Variants in SLC25A21 observed in about 807,000 individuals in gnomAD.
The protein encoded by SLC25A21 is solute carrier family 25 member 21, also known as mitochondrial 2-oxodicarboxylate carrier.
A neutral mutation model predicts 43.8 loss-of-function variants in SLC25A21; 47 were observed. The ratio of observed to expected loss-of-function variants is 1.07; its 90% confidence interval spans 0.85 to 1.37. The LOEUF (loss-of-function observed/expected upper bound fraction) is 1.37, where lower values mean the gene tolerates loss of function less well. Among genes scored for constraint, SLC25A21 ranks in the 40% most tolerant of loss-of-function variants. The pLI is 0.00. For missense variants in SLC25A21, 352 were observed against 350.2 expected (o/e 1.00, Z -0.04); for synonymous variants, 131 against 121.3 (o/e 1.08, Z -0.52).
At chr14:36,887,838 T>C (rs981189193) in intron 1 of SLC25A21, among the ~76,000 whole-genome samples, 2 of 152,166 alleles carry the variant, frequency 1.3e-5, no homozygotes, top group African/African-American at 4.8e-5. Context: ...TTCTATGGAA[T>C]TAGTTTTCCT....
rs780814503 is a variant in SLC25A21, at chr14:36,711,498, G to C, written c.439-16C>G. ...TGGATGGTTGCTGCAGAAGAGAGAAGCAAGGCCAGAATGATCATCTTTGGG... is the reference window on the plus strand; with the variant it reads ...TGGATGGTTGCTGCAGAAGAGAGAACCAAGGCCAGAATGATCATCTTTGGG... On this transcript the variant is annotated splice_polypyrimidine_tract_variant and intron_variant, in intron 6 of 9. Coordinates refer to ENST00000331299, the MANE Select transcript of SLC25A21 (RefSeq NM_030631.4). 5 of 1,611,488 alleles carry C rather than the reference G, an allele frequency of 3.1e-6. No individual in the cohort carries two copies. In the South Asian group the frequency reaches 5.5e-5, roughly 18 times the overall value.
intron 3 of SLC25A21, among the ~76,000 whole-genome samples, chr14:36,800,010 G>A (rs1005708489): frequency 1.3e-5 from 2 of 152,022 alleles, no homozygotes; most frequent in Admixed American, 6.6e-5. Flanking sequence ...ACTTTTAATG[G>A]CAAAAACTGC....
intron 1 of SLC25A21, among the ~76,000 whole-genome samples, chr14:36,942,572 A>G (rs1485919652): frequency 6.6e-6 from 1 of 152,230 alleles, no homozygotes; most frequent in Non-Finnish European, 1.5e-5. Context: ...ACCAAATGTT[A>G]TGATTTTAAT....
At chr14:37,051,404 T>A (rs1961703394) in intron 1 of SLC25A21, among the ~76,000 whole-genome samples, 2 of 152,308 alleles carry the variant, frequency 1.3e-5, no homozygotes, top group Non-Finnish European at 1.5e-5. Context: ...AGAACTCATT[T>A]CACAGCTACA....
At position 36,903,345 on chromosome 14, in the gene SLC25A21, T is replaced by C. The variant is rs573030723; in HGVS notation, c.71-28341A>G. ...GATGTGTTTTGTTCAGTTCACATAG[T>C]GTTCTTTTAAAAATAAATTGCTTTG... On this transcript the variant is annotated intron_variant, in intron 1 of 9. Transcript: ENST00000331299. Among the ~76,000 whole-genome samples the C allele has an allele frequency of 5.6e-4, 85 of 152,140 alleles. 2 individuals are homozygous for C. The highest frequency in any genetic ancestry group is 8.3e-4 in the South Asian group (4 of 4,820).
intron 1 of SLC25A21, among the ~76,000 whole-genome samples, chr14:37,040,248 A>G (rs10047958): frequency 0.22 from 483 of 2,180 alleles, 131 homozygotes; most frequent in African/African-American, 0.51. Flanking sequence ...GGAAGGGAGG[A>G]AGGGAGGGAG....
At chr14:37,051,928 G>C (rs1317088372) in intron 1 of SLC25A21, among the ~76,000 whole-genome samples, 1 of 152,212 alleles carries the variant, frequency 6.6e-6, no homozygotes, top group Non-Finnish European at 1.5e-5. Flanking sequence ...CCAGACGGCA[G>C]CCGGCGGGCA....
At chr14:36,702,697 G>A (rs928318093) in intron 7 of SLC25A21, among the ~76,000 whole-genome samples, 8 of 152,024 alleles carry the variant, frequency 5.3e-5, no homozygotes, top group Non-Finnish European at 1.2e-4. Flanking sequence ...GACTGTAAAC[G>A]TCATTAAGAG....
At chr14:37,154,954 G>A (rs909226983) in intron 1 of SLC25A21, among the ~76,000 whole-genome samples, 6 of 151,924 alleles carry the variant, frequency 3.9e-5, no homozygotes, top group Non-Finnish European at 7.4e-5. Flanking sequence ...TATCTTTTTC[G>A]AAAACCAAAT....
chr14:36,993,817 C>T (rs1960314964), intron 1 of SLC25A21, among the ~76,000 whole-genome samples: 2 of 152,094 alleles, frequency 1.3e-5, no homozygotes, highest in Admixed American at 6.6e-5. Flanking sequence ...TCATCAATCC[C>T]TTAAATGTGG....
intron 1 of SLC25A21, among the ~76,000 whole-genome samples, chr14:36,976,873 T>C (rs1594731721): frequency 6.6e-6 from 1 of 152,244 alleles, no homozygotes; most frequent in Non-Finnish European, 1.5e-5. Context: ...AGTCATCTTG[T>C]CCTGCCACTT....
At chr14:36,716,753 A>T (rs1884155137) in intron 6 of SLC25A21, among the ~76,000 whole-genome samples, 2 of 152,126 alleles carry the variant, frequency 1.3e-5, no homozygotes, top group South Asian at 4.1e-4. Flanking sequence ...AGCTCATGAG[A>T]TCACAGGCAG....
At chr14:37,155,640 T>G (rs993351520) in intron 1 of SLC25A21, among the ~76,000 whole-genome samples, 1 of 152,126 alleles carries the variant, frequency 6.6e-6, no homozygotes, top group African/African-American at 2.4e-5. Context: ...GATATAGTGA[T>G]AGTGGCAAGA....
rs182440997 is a variant in SLC25A21 at position 36,892,512 on chromosome 14, A to C, written c.71-17508T>G. On this transcript the variant is annotated intron_variant, in intron 1 of 9. Coordinates refer to ENST00000331299, the MANE Select transcript of SLC25A21 (RefSeq NM_030631.4). ...TTAGAAGACATAATGTTAGTTAAATAAGGCCAGGAACAGAAAGACCAATAC... is the reference window on the plus strand; with the variant it reads ...TTAGAAGACATAATGTTAGTTAAATCAGGCCAGGAACAGAAAGACCAATAC... Among the ~76,000 whole-genome samples, 196 of 152,244 alleles carry C rather than the reference A, an allele frequency of 1.3e-3. 1 individual carries two copies. The highest frequency in any genetic ancestry group is 4.5e-3 in the African/African-American group (188 of 41,562).
intron 1 of SLC25A21, among the ~76,000 whole-genome samples, chr14:37,114,783 T>A (rs1963077416): frequency 6.9e-6 from 1 of 144,904 alleles, no homozygotes; most frequent in Non-Finnish European, 1.5e-5. Flanking sequence ...GAGTCATTTT[T>A]ATGGCGGGGG....
chr14:36,679,420 G>T lies in SLC25A21; in HGVS notation c.*1238C>A. The stretch of plus-strand genomic sequence containing the variant: ...GCTTTAGTGAAATAGCCCCGTAGTA[G>T]AAATAGCCCACGGTAGTAACTTAGG... On this transcript the variant is annotated 3_prime_UTR_variant, in exon 10 of 10. Coordinates refer to ENST00000331299, the MANE Select transcript of SLC25A21 (RefSeq NM_030631.4). 1 of 984,904 alleles carries T rather than the reference G, an allele frequency of 1.0e-6. No homozygotes were observed. The highest frequency in any genetic ancestry group is 1.2e-6 in the Non-Finnish European group (1 of 829,506). 61.0% of individuals were successfully genotyped at this position (984,904 alleles called of 1,614,324 possible). A position where few individuals can be genotyped will look rare whatever the true frequency, so the allele number is the denominator to read the frequency against.
intron 1 of SLC25A21, among the ~76,000 whole-genome samples, chr14:37,066,725 T>G (rs1962068211): frequency 6.6e-6 from 1 of 152,106 alleles, no homozygotes; most frequent in Non-Finnish European, 1.5e-5. Flanking sequence ...TATATAAGTA[T>G]GTATATTTAC....
chr14:37,088,120 C>A (rs1344740856), intron 1 of SLC25A21, among the ~76,000 whole-genome samples: 1 of 152,094 alleles, frequency 6.6e-6, no homozygotes, highest in African/African-American at 2.4e-5. Flanking sequence ...TATGTATTTA[C>A]AATCAAATGT....
chr14:36,937,017 G>C (rs1892441014), intron 1 of SLC25A21, among the ~76,000 whole-genome samples: 2 of 152,236 alleles, frequency 1.3e-5, no homozygotes, highest in South Asian at 4.1e-4. Flanking sequence ...TTATAATTCA[G>C]CTTGAGAGAC....
Sources: allele counts gnomAD v4.1 joint callset (sites outside exome capture counted in the v4.1 genomes callset), GRCh38; gene constraint gnomAD v4.1.1; transcripts MANE v1.5; gene names NCBI Gene and HGNC (gene_info 2026-07-23, HGNC 2026-07-21).